ACTN1: variants seen among roughly 807,000 people sequenced by gnomAD.
The protein encoded by ACTN1 is alpha-actinin-1.
In ACTN1, 30 loss-of-function variants were observed where a neutral mutation model predicts 119.6. The ratio of observed to expected loss-of-function variants is 0.25; its 90% CI spans 0.19 to 0.34. The LOEUF (loss-of-function observed/expected upper bound fraction) is 0.34. ACTN1 is among the 10% of genes least tolerant of loss of function. ACTN1 has a pLI of 1.00. For synonymous variants in ACTN1, 429 were observed against 472.6 expected (o/e 0.91, Z 1.20); for missense variants, 764 against 1,223.4 (o/e 0.62, Z 5.60).
intron 1 of ACTN1, among the ~76,000 whole-genome samples, chr14:68,936,166 T>G (rs946523190): frequency 3.3e-5 from 5 of 152,216 alleles, no homozygotes; most frequent in African/African-American, 1.2e-4. Flanking sequence ...AACAATCTTT[T>G]GTTCCTGTGT....
chr14:68,899,485 C>T (rs1200601753), intron 8 of ACTN1, among the ~76,000 whole-genome samples: 1 of 146,534 alleles, frequency 6.8e-6, no homozygotes, highest in Non-Finnish European at 1.5e-5. Flanking sequence ...ACCACACTCC[C>T]CATACACACC....
chr14:68,919,249 TG>T (rs2034508339), intron 3 of ACTN1, among the ~76,000 whole-genome samples: 2 of 152,158 alleles, frequency 1.3e-5, no homozygotes, highest in South Asian at 4.1e-4. Context: ...ATCCACAAGG[TG>T]CCCATCCCGC....
In ACTN1 at chr14:68,884,016, A is replaced by G. The variant is rs111305352; in HGVS notation, c.1635+152T>C. 1,078 of 829,246 alleles carry G rather than the reference A, an allele frequency of 1.3e-3. 9 individuals carry two copies. In the African/African-American group the frequency reaches 0.017, roughly 13 times the overall value. 51.4% of individuals were successfully genotyped at this position (829,246 alleles called of 1,614,324 possible). A position where few individuals can be genotyped will look rare whatever the true frequency, so the allele number is the denominator to read the frequency against. On this transcript the variant is annotated intron_variant, in intron 14 of 21. Transcript: ENST00000394419. ...AAATTTTAGATCATGCACATATATT[A>G]TCTTGTCAAAATAAGTCAAATGCAA...
At chr14:68,962,407 C>T (rs1465801384) in intron 1 of ACTN1, among the ~76,000 whole-genome samples, 1 of 152,196 alleles carries the variant, frequency 6.6e-6, no homozygotes. Context: ...CCAGCACCTC[C>T]TCCACAGCCG....
rs529612979 is a variant in ACTN1, at chr14:68,902,408, C to T, written c.762+69G>A. 2.5e-5 allele frequency: 33 copies of T among 1,326,582 alleles called. No homozygotes were observed. In the East Asian group the frequency reaches 7.4e-4, roughly 30 times the overall value. The allele number at this position is 1,326,582 out of a possible 1,614,324, so 82.2% of individuals were successfully genotyped here. ...TGTCACCAGGAGAGGTGGAGGCGGG[C>T]AGGAGGACATGGTTTGGGGTCCAGC... On this transcript the variant is annotated intron_variant, in intron 8 of 21. Transcript: ENST00000394419.
intron 1 of ACTN1, among the ~76,000 whole-genome samples, chr14:68,951,656 G>A (rs1466491624): frequency 1.3e-5 from 2 of 152,172 alleles, no homozygotes; most frequent in Non-Finnish European, 2.9e-5. Flanking sequence ...CCAGGCTCCT[G>A]TAAAAGCCGG....
intron 1 of ACTN1, among the ~76,000 whole-genome samples, chr14:68,926,309 G>A (rs1037859101): frequency 6.6e-6 from 1 of 152,162 alleles, no homozygotes; most frequent in African/African-American, 2.4e-5. Flanking sequence ...ATGTAAGGAG[G>A]TCAAATCAAA....
At chr14:68,964,213 A>G (rs1361079950) in intron 1 of ACTN1, among the ~76,000 whole-genome samples, 1 of 152,206 alleles carries the variant, frequency 6.6e-6, no homozygotes, top group Non-Finnish European at 1.5e-5. Flanking sequence ...CCCCATGCAC[A>G]GGGGCGTCAT....
rs1325620623 is a variant in ACTN1 at position 68,874,832 on chromosome 14, A to C, written c.*27T>G. On this transcript the variant is annotated 3_prime_UTR_variant, in exon 22 of 22. Coordinates refer to ENST00000394419, the MANE Select transcript of ACTN1 (RefSeq NM_001130004.2). ...AGGTGCAAGGCAGGGCACGGCGCAC[A>C]AGACGAGGGCGGCCGGGCGGGGTGG... 6.5e-7 allele frequency: 1 copy of C among 1,538,090 alleles called. No homozygotes were observed. The highest frequency in any genetic ancestry group is 1.9e-5 in the Admixed American group (1 of 53,810).
chr14:68,877,410 C>A, intron 20 of ACTN1, 170 bp from the exon 21 acceptor site: 3 of 706,278 alleles, frequency 4.2e-6, no homozygotes, highest in Non-Finnish European at 4.6e-6. Context: ...CAACACCCAA[C>A]AGGGGAGACC....
chr14:68,941,016 C>G (rs2035746339), intron 1 of ACTN1, among the ~76,000 whole-genome samples: 1 of 152,142 alleles, frequency 6.6e-6, no homozygotes, highest in East Asian at 1.9e-4. Context: ...ATGGTGGTTC[C>G]GGTCACCAGG....
rs2033841963 is a variant in ACTN1, at chr14:68,909,127, A to T, written c.594+191T>A. 6.6e-6 allele frequency among the ~76,000 whole-genome samples: 1 copy of T among 152,216 alleles called. No individual in the cohort carries two copies. Among genetic ancestry groups the T allele is most frequent in the Admixed American group, 6.5e-5 (1 of 15,284 alleles). ...TGCAAGTACACACACACCACGCACA[A>T]GGGTAATGAAGTTGCCCTAACAGGG... On this transcript the variant is annotated intron_variant, in intron 6 of 21. Coordinates refer to ENST00000394419, the MANE Select transcript of ACTN1 (RefSeq NM_001130004.2). The surrounding 1 kb of genome is among the most constrained non-coding windows in gnomAD (Gnocchi z 4.1).
At chr14:68,940,388 C>G (rs1297743155) in intron 1 of ACTN1, among the ~76,000 whole-genome samples, 1 of 152,130 alleles carries the variant, frequency 6.6e-6, no homozygotes, top group African/African-American at 2.4e-5. Flanking sequence ...GACTCTGGCC[C>G]CTAACTTGAC....
At chr14:68,949,479 G>A (rs542164791) in intron 1 of ACTN1, among the ~76,000 whole-genome samples, 14 of 152,332 alleles carry the variant, frequency 9.2e-5, no homozygotes, top group African/African-American at 2.6e-4. Context: ...CAGGCCTGGC[G>A]CTGGCAGGGG....
At chr14:68,938,616 G>A (rs2035638102) in intron 1 of ACTN1, among the ~76,000 whole-genome samples, 1 of 152,070 alleles carries the variant, frequency 6.6e-6, no homozygotes, top group Non-Finnish European at 1.5e-5. Flanking sequence ...CCACTCACTG[G>A]CTGTGTGGCT....
chr14:68,952,800 C>A (rs550737965), intron 1 of ACTN1, among the ~76,000 whole-genome samples: 1 of 152,328 alleles, frequency 6.6e-6, no homozygotes, highest in South Asian at 2.1e-4. Flanking sequence ...CCCTCACACA[C>A]TCTCAATCAC....
At position 68,878,407 on chromosome 14, in the gene ACTN1, C is replaced by A; in HGVS notation, c.2427+51G>T. The A allele has an allele frequency of 6.6e-7, 1 of 1,520,864 alleles. No homozygotes were observed. The highest frequency in any genetic ancestry group is 1.3e-5 in the South Asian group (1 of 76,066). The allele number at this position is 1,520,864 out of a possible 1,614,324, so 94.2% of individuals were successfully genotyped here. A position where few individuals can be genotyped will look rare whatever the true frequency, so the allele number is the denominator to read the frequency against. ...CACTCCTGGGACTTGGCTGCTCCCGCCAGCTGGCTGCCTTCTCACCAGGGC... is the reference window on the plus strand; with the variant it reads ...CACTCCTGGGACTTGGCTGCTCCCGACAGCTGGCTGCCTTCTCACCAGGGC... On this transcript the variant is annotated intron_variant, in intron 20 of 21. Coordinates refer to ENST00000394419, the MANE Select transcript of ACTN1 (RefSeq NM_001130004.2). This position sits in a 1 kb window ranked among gnomAD's most constrained non-coding sequence, Gnocchi z 4.4.
At position 68,925,510 on chromosome 14, in the gene ACTN1, G is replaced by C; in HGVS notation, c.220+48C>G. The C allele has an allele frequency of 6.6e-7, 1 of 1,508,374 alleles. No homozygotes were observed. Among genetic ancestry groups the C allele is most frequent in the South Asian group, 1.2e-5 (1 of 83,808 alleles). 93.4% of individuals were successfully genotyped at this position (1,508,374 alleles called of 1,614,324 possible). A position where few individuals can be genotyped will look rare whatever the true frequency, so the allele number is the denominator to read the frequency against. On this transcript the variant is annotated intron_variant, in intron 2 of 21. Transcript: ENST00000394419. The surrounding 1 kb of genome is among the most constrained non-coding windows in gnomAD (Gnocchi z 4.3). ...AGGCAGAGCAGATGCCAAGGTGTCA[G>C]GCAGCACCAATAGACAGTATCTCGT... is the stretch of plus-strand genomic sequence containing the variant.
At chr14:68,900,852 G>A (rs1297667215) in intron 8 of ACTN1, 1 of 152,570 alleles carries the variant, frequency 6.6e-6, no homozygotes, top group East Asian at 1.9e-4. Flanking sequence ...GAGGCCGAGG[G>A]AGAGCTCACC....
Sources: allele counts gnomAD v4.1 joint callset (sites outside exome capture counted in the v4.1 genomes callset), GRCh38; gene constraint gnomAD v4.1.1; non-coding constraint Gnocchi (gnomAD v3.1); transcripts MANE v1.5; gene names NCBI Gene and HGNC (gene_info 2026-07-23, HGNC 2026-07-21).